Variants in ASIC2 observed in about 807,000 individuals in gnomAD.
ASIC2 encodes acid sensing ion channel subunit 2, also known as acid-sensing ion channel 2.
Under a neutral mutation model 57.3 loss-of-function variants are expected in ASIC2, and 25 were observed. The ratio of observed to expected loss-of-function variants is 0.44; its 90% confidence interval spans 0.32 to 0.61. The LOEUF is 0.61. ASIC2 is among the 20% of genes least tolerant of loss of function. The pLI, the probability that ASIC2 is intolerant of heterozygous loss-of-function variation, is 0.06. For missense variants in ASIC2, 641 were observed against 738.1 expected (o/e 0.87, Z 1.52); for synonymous variants, 319 against 307.5 (o/e 1.04, Z -0.39).
chr17:33,928,408 C>T (rs1915866798), intron 1 of ASIC2, among the ~76,000 whole-genome samples: 1 of 152,138 alleles, frequency 6.6e-6, no homozygotes. Context: ...GTGGTTCCCA[C>T]CCTTTGTGGA....
At chr17:33,693,035 G>A (rs1352320917) in intron 1 of ASIC2, among the ~76,000 whole-genome samples, 1 of 152,004 alleles carries the variant, frequency 6.6e-6, no homozygotes, top group Non-Finnish European at 1.5e-5. Flanking sequence ...TTATTTTCTG[G>A]AGGCTCAGTT....
chr17:33,922,165 T>G, intron 1 of ASIC2, among the ~76,000 whole-genome samples: 1 of 152,290 alleles, frequency 6.6e-6, no homozygotes, highest in African/African-American at 2.4e-5. Flanking sequence ...CCATTATGAC[T>G]TGGTGATTAA....
At chr17:33,359,272 T>C (rs1394615910) in intron 1 of ASIC2, among the ~76,000 whole-genome samples, 2 of 152,152 alleles carry the variant, frequency 1.3e-5, no homozygotes, top group Admixed American at 1.3e-4. Context: ...GGTTCTAAGG[T>C]TGAAATGTAG....
chr17:33,799,394 C>CTCT (rs1912027185), intron 1 of ASIC2, among the ~76,000 whole-genome samples: 1 of 110,066 alleles, frequency 9.1e-6, no homozygotes, highest in African/African-American at 4.0e-5. Flanking sequence ...TTCTTTCTTT[C>CTCT]TTTCTTTCTT....
chr17:33,112,581 G>T (rs1376673443), intron 1 of ASIC2, among the ~76,000 whole-genome samples: 1 of 152,290 alleles, frequency 6.6e-6, no homozygotes, highest in East Asian at 1.9e-4. Context: ...CCAGGGAACA[G>T]CATCGCCATC....
rs1426888665 is a variant in ASIC2 at position 33,037,910 on chromosome 17, T to A, written c.988-9518A>T. On this transcript the variant is annotated intron_variant, in intron 3 of 9. Coordinates refer to ENST00000225823, the MANE Select transcript of ASIC2 (RefSeq NM_183377.2). ...TGTTCAAGTAGAAACTATACAACTA[T>A]TTGGCTGGGATGGGAAGAGAGAGAG... is the stretch of plus-strand genomic sequence containing the variant. 2.6e-5 allele frequency among the ~76,000 whole-genome samples: 4 copies of A among 152,208 alleles called. No individual in the cohort carries two copies. In the East Asian group the frequency reaches 7.7e-4, roughly 29 times the overall value.
intron 1 of ASIC2, among the ~76,000 whole-genome samples, chr17:33,954,710 G>A (rs2141987543): frequency 6.6e-6 from 1 of 152,306 alleles, no homozygotes; most frequent in Non-Finnish European, 1.5e-5. Flanking sequence ...AGCTGTGAGT[G>A]TTTTGTCTGA....
chr17:33,742,329 A>G (rs1462386363), intron 1 of ASIC2, among the ~76,000 whole-genome samples: 2 of 151,424 alleles, frequency 1.3e-5, no homozygotes, highest in Admixed American at 1.3e-4. Context: ...CTACAATGCC[A>G]CCTCCCTCTC....
intron 1 of ASIC2, among the ~76,000 whole-genome samples, chr17:33,702,553 G>A (rs532092724): frequency 6.6e-6 from 1 of 152,220 alleles, no homozygotes; most frequent in East Asian, 1.9e-4. Context: ...TTTAACTTGT[G>A]TCCAAAAGGA....
intron 1 of ASIC2, among the ~76,000 whole-genome samples, chr17:33,870,984 C>T (rs1200735057): frequency 6.6e-6 from 1 of 151,264 alleles, no homozygotes; most frequent in Non-Finnish European, 1.5e-5. Context: ...CCCACCCCAC[C>T]CCCTGAGATG....
intron 3 of ASIC2, among the ~76,000 whole-genome samples, chr17:33,033,829 A>G (rs1487459830): frequency 6.6e-6 from 1 of 152,124 alleles, no homozygotes; most frequent in East Asian, 1.9e-4. Flanking sequence ...CCCATGCATG[A>G]ATCGGCACAC....
At chr17:33,321,561 A>C (rs1332835291) in intron 1 of ASIC2, among the ~76,000 whole-genome samples, 1 of 152,224 alleles carries the variant, frequency 6.6e-6, no homozygotes, top group Non-Finnish European at 1.5e-5. Context: ...ACCTCTGGGC[A>C]CATAAAAGAT....
At chr17:34,065,356 G>C (rs758711930) in intron 1 of ASIC2, among the ~76,000 whole-genome samples, 17 of 152,080 alleles carry the variant, frequency 1.1e-4, no homozygotes, top group Non-Finnish European at 1.9e-4. Flanking sequence ...GGGACTTAGG[G>C]GGAAGAGTGG....
At chr17:33,668,056 G>A (rs1184166629) in intron 1 of ASIC2, among the ~76,000 whole-genome samples, 8 of 151,942 alleles carry the variant, frequency 5.3e-5, no homozygotes, top group African/African-American at 1.5e-4. Context: ...GGAGACCACC[G>A]CCATTTTGCA....
chr17:33,051,594 G>A (rs1210258210), intron 3 of ASIC2, among the ~76,000 whole-genome samples: 1 of 152,168 alleles, frequency 6.6e-6, no homozygotes, highest in Non-Finnish European at 1.5e-5. Flanking sequence ...GATGTCCTAA[G>A]CTTGAAATTC....
intron 1 of ASIC2, among the ~76,000 whole-genome samples, chr17:33,127,987 T>A (rs141750857): frequency 5.9e-5 from 9 of 152,360 alleles, no homozygotes; most frequent in African/African-American, 2.2e-4. Context: ...AGCCCTGCCT[T>A]TCTCCAAAGA....
intron 7 of ASIC2, 62 bp downstream of exon 7, chr17:33,021,157 C>A: frequency 1.0e-6 from 1 of 980,856 alleles, no homozygotes; most frequent in Non-Finnish European, 1.6e-6. Context: ...TCCACCTGTG[C>A]ATCCTCCCTC....
At chr17:33,103,375 G>A (rs1258909510) in intron 2 of ASIC2, among the ~76,000 whole-genome samples, 2 of 152,134 alleles carry the variant, frequency 1.3e-5, no homozygotes, top group Non-Finnish European at 2.9e-5. Flanking sequence ...AGGTAACACA[G>A]GTCACACAGA....
At chr17:33,623,665 A>G (rs913769073) in intron 1 of ASIC2, 3 of 152,166 alleles carry the variant, frequency 2.0e-5, no homozygotes, top group East Asian at 1.9e-4. Flanking sequence ...TATTTTTTCC[A>G]TAACAGAACA....
Sources: allele counts gnomAD v4.1 joint callset (sites outside exome capture counted in the v4.1 genomes callset), GRCh38; gene constraint gnomAD v4.1.1; transcripts MANE v1.5; gene names NCBI Gene and HGNC (gene_info 2026-07-23, HGNC 2026-07-21).